The following ARHGEF28 variants were observed in gnomAD, a reference collection of about 807,000 sequenced individuals.
ARHGEF28 encodes the protein 190 kDa guanine nucleotide exchange factor.
Under a neutral mutation model 206.6 loss-of-function variants are expected in ARHGEF28, and 152 were observed. That is an observed-to-expected ratio of 0.74 (90% CI 0.64 to 0.84). The LOEUF (loss-of-function observed/expected upper bound fraction) is 0.84, where lower values mean the gene tolerates loss of function less well. Ranked by LOEUF, ARHGEF28 falls within the 40% of genes least tolerant of loss-of-function variation. ARHGEF28 has a pLI of 0.00. For synonymous variants in ARHGEF28, 763 were observed against 776.4 expected (o/e 0.98, Z 0.29); for missense variants, 2,028 against 2,073.2 (o/e 0.98, Z 0.42).
At chr5:73,918,351 G>A (rs1051686220) in intron 35 of ARHGEF28, among the ~76,000 whole-genome samples, 4 of 152,144 alleles carry the variant, frequency 2.6e-5, no homozygotes, top group African/African-American at 4.8e-5. Flanking sequence ...GCTGTAGTTT[G>A]CCTACCCCAG....
At chr5:73,890,609 C>T (rs568365733) in intron 26 of ARHGEF28, among the ~76,000 whole-genome samples, 72 of 152,268 alleles carry the variant, frequency 4.7e-4, no homozygotes, top group Non-Finnish European at 8.5e-4. Context: ...CTCTGAGAAG[C>T]GTGGGGTGAG....
chr5:73,926,381 T>C lies in ARHGEF28; in HGVS notation c.4949-14463T>C, dbSNP rs35017964. 9.7e-3 allele frequency among the ~76,000 whole-genome samples: 1,471 copies of C among 152,292 alleles called. 14 individuals are homozygous for C. Among genetic ancestry groups the C allele is most frequent in the Non-Finnish European group, 0.013 (873 of 68,018 alleles). On this transcript the variant is annotated intron_variant, in intron 35 of 35. Transcript: ENST00000513042. Reference sequence around the variant, plus strand: ...GTGCAGGTAAAATCAGGTGTGCAAGTTGACACAGGCCATAGAAGGGTCCTG... The same window carrying C: ...GTGCAGGTAAAATCAGGTGTGCAAGCTGACACAGGCCATAGAAGGGTCCTG...
intron 34 of ARHGEF28, among the ~76,000 whole-genome samples, chr5:73,910,159 T>C (rs1300634508): frequency 1.3e-5 from 2 of 151,862 alleles, no homozygotes; most frequent in Middle Eastern, 3.2e-3. Flanking sequence ...GGCGGGAAGA[T>C]CACCTGAGGT....
At position 73,774,036 on chromosome 5, in the gene ARHGEF28, A is replaced by G; in HGVS notation, c.657A>G (p.Thr219=). Residue 219 remains threonine (T), a splice_region_variant and synonymous_variant, in exon 5 of 36, where the codon ACA becomes ACG. Transcript: ENST00000513042. The part of the protein sequence containing the change: ...EGHSKLVEDV[T]NFQGRWSPSF... ...ACTCCAAGCTGGTGGAAGACGTCAC[A>G]AAGTGAGTTTAGCTACTTGATAGTC... 4 of 1,586,520 alleles carry G rather than the reference A, an allele frequency of 2.5e-6. No individual in the cohort carries two copies. The highest frequency in any genetic ancestry group is 2.6e-6 in the Non-Finnish European group (3 of 1,165,872).
chr5:73,687,258 T>A (rs2112255051), intron 2 of ARHGEF28, among the ~76,000 whole-genome samples: 1 of 152,196 alleles, frequency 6.6e-6, no homozygotes, highest in Non-Finnish European at 1.5e-5. Flanking sequence ...TTAGAAAAGG[T>A]CTTTTAATAA....
chr5:73,669,380 T>C (rs1198777023), intron 1 of ARHGEF28, among the ~76,000 whole-genome samples: 1 of 152,206 alleles, frequency 6.6e-6, no homozygotes, highest in Non-Finnish European at 1.5e-5. Context: ...ATTGATGTAA[T>C]TGTAGACCCA....
intron 9 of ARHGEF28, among the ~76,000 whole-genome samples, chr5:73,804,594 T>G (rs925329264): frequency 6.6e-6 from 1 of 152,210 alleles, no homozygotes; most frequent in Non-Finnish European, 1.5e-5. Context: ...ATTCCTCACT[T>G]TTTACCTGAT....
chr5:73,853,398 A>C (rs1758822849), intron 14 of ARHGEF28, among the ~76,000 whole-genome samples: 1 of 152,264 alleles, frequency 6.6e-6, no homozygotes, highest in South Asian at 2.1e-4. Context: ...CCATCTGAAA[A>C]GAGTGAAATG....
At chr5:73,682,047 G>A (rs568412762) in intron 1 of ARHGEF28, among the ~76,000 whole-genome samples, 1 of 152,310 alleles carries the variant, frequency 6.6e-6, no homozygotes, top group East Asian at 1.9e-4. Flanking sequence ...TTGTGCTGCT[G>A]CATTCCAGCC....
intron 9 of ARHGEF28, among the ~76,000 whole-genome samples, chr5:73,814,915 T>A (rs1004820870): frequency 6.6e-6 from 1 of 152,230 alleles, no homozygotes; most frequent in Non-Finnish European, 1.5e-5. Flanking sequence ...GAACACATTT[T>A]TCATGTTGCT....
intron 9 of ARHGEF28, among the ~76,000 whole-genome samples, chr5:73,799,900 G>T (rs1213755790): frequency 6.6e-6 from 1 of 152,148 alleles, no homozygotes; most frequent in Non-Finnish European, 1.5e-5. Context: ...TAGGCATGAA[G>T]CGCTGCCTCA....
chr5:73,893,305 T>C lies in ARHGEF28; in HGVS notation c.3658+17T>C, dbSNP rs1430112928. Reference sequence around the variant, plus strand: ...AATGTCAAGGTACAGTGCAGGCACTTCTGGCTCCCTGGTCGTGGTGTTCTC... The same window carrying C: ...AATGTCAAGGTACAGTGCAGGCACTCCTGGCTCCCTGGTCGTGGTGTTCTC... On this transcript the variant is annotated intron_variant, in intron 28 of 35. Coordinates refer to ENST00000513042, the MANE Select transcript of ARHGEF28 (RefSeq NM_001177693.2). 1 of 1,528,346 alleles carries C rather than the reference T, an allele frequency of 6.5e-7. No individual in the cohort carries two copies. The highest frequency in any genetic ancestry group is 2.1e-5 in the Admixed American group (1 of 47,836). The allele number at this position is 1,528,346 out of a possible 1,614,324, so 94.7% of individuals were successfully genotyped here.
chr5:73,792,407 A>G (rs1754532066), intron 7 of ARHGEF28, among the ~76,000 whole-genome samples: 1 of 152,188 alleles, frequency 6.6e-6, no homozygotes, highest in Non-Finnish European at 1.5e-5. Context: ...AACTTCACTA[A>G]CAGATGAGAT....
At chr5:73,939,782 G>C (rs1261519979) in intron 35 of ARHGEF28, among the ~76,000 whole-genome samples, 1 of 152,256 alleles carries the variant, frequency 6.6e-6, no homozygotes, top group Non-Finnish European at 1.5e-5. Flanking sequence ...ACAAGCATTT[G>C]TGTCATTGGA....
intron 1 of ARHGEF28, among the ~76,000 whole-genome samples, chr5:73,681,550 C>T (rs1747097973): frequency 1.3e-5 from 2 of 152,048 alleles, no homozygotes; most frequent in Admixed American, 1.3e-4. Context: ...CATGGTGGCT[C>T]ACACCTGTAA....
chr5:73,892,018 C>A, intron 26 of ARHGEF28, 34 bp from the exon 27 acceptor site: 2 of 1,565,966 alleles, frequency 1.3e-6, no homozygotes, highest in Non-Finnish European at 1.7e-6. Context: ...AGCTAGGATG[C>A]TGTTTCATCT....
At chr5:73,759,991 T>C (rs780434871) in intron 4 of ARHGEF28, among the ~76,000 whole-genome samples, 20 of 152,290 alleles carry the variant, frequency 1.3e-4, no homozygotes, top group Admixed American at 3.3e-4. Context: ...GAGCGTGGCT[T>C]GTGGTTTTAT....
At chr5:73,660,031 C>T (rs1230172154) in intron 1 of ARHGEF28, among the ~76,000 whole-genome samples, 1 of 152,022 alleles carries the variant, frequency 6.6e-6, no homozygotes, top group African/African-American at 2.4e-5. Context: ...ATTGACTCTT[C>T]CTTTCATGAA....
At chr5:73,741,373 GTGTGTGTGTGTGTATATATATATA>G (rs1751382421) in intron 2 of ARHGEF28, among the ~76,000 whole-genome samples, 15 of 50,314 alleles carry the variant, frequency 3.0e-4, no homozygotes, top group African/African-American at 1.2e-3. Flanking sequence ...GTGTGTGTGT[GTGTGTGTGTGTGTATATATATATA>G]TATATATATA....
Sources: allele counts gnomAD v4.1 joint callset (sites outside exome capture counted in the v4.1 genomes callset), GRCh38; gene constraint gnomAD v4.1.1; transcripts MANE v1.5; gene names NCBI Gene and HGNC (gene_info 2026-07-23, HGNC 2026-07-21).